BICC1: variants seen among roughly 807,000 people sequenced by gnomAD.
BICC1 encodes the protein protein bicaudal C homolog 1.
BICC1 carries 43 observed loss-of-function variants against 111.0 expected under a neutral mutation model. The ratio of observed to expected loss-of-function variants is 0.39; its 90% CI spans 0.30 to 0.50. The LOEUF (loss-of-function observed/expected upper bound fraction) is 0.50, where lower values mean the gene tolerates loss of function less well. Ranked by LOEUF, BICC1 falls within the 20% of genes least tolerant of loss-of-function variation. The probability of loss-of-function intolerance (pLI) is 0.88; values close to 1 mark genes in which losing one functional copy is unlikely to be tolerated. For missense variants in BICC1, 1,091 were observed against 1,203.2 expected, an observed-to-expected ratio of 0.91 and a Z score of 1.38; for synonymous variants, 467 against 434.4, an observed-to-expected ratio of 1.07 and a Z score of -0.93.
Position 58,513,102 on chromosome 10 carries a change from G to GAGCGGC in BICC1, c.-41_-36dup. 1 of 1,344,566 alleles carries GAGCGGC rather than the reference G, an allele frequency of 7.4e-7. No homozygotes were observed. Among genetic ancestry groups the GAGCGGC allele is most frequent in the Non-Finnish European group, 9.5e-7 (1 of 1,050,216 alleles). 83.3% of individuals were successfully genotyped at this position (1,344,566 alleles called of 1,614,324 possible). On this transcript the variant is annotated 5_prime_UTR_variant, in exon 1 of 21. Coordinates refer to ENST00000373886, the MANE Select transcript of BICC1 (RefSeq NM_001080512.3). ...GCGAGCGGAGGCGGCAGCGCAGGCA[G>GAGCGGC]AGCGGCGGCGGCAGCGGGAGCCCGA...
chr10:58,681,162 A>T lies in BICC1; in HGVS notation c.238-20912A>T, dbSNP rs577526112. ...CAAAAGCAATGGCAACAAAAGCCAA[A>T]ATTGACAAGTGGGATCTAATTAAAG... On this transcript the variant is annotated intron_variant, in intron 2 of 20. Coordinates refer to ENST00000373886, the MANE Select transcript of BICC1 (RefSeq NM_001080512.3). 8.5e-5 allele frequency among the ~76,000 whole-genome samples: 13 copies of T among 152,360 alleles called. No individual in the cohort carries two copies. In the South Asian group the frequency reaches 2.7e-3, roughly 32 times the overall value.
chr10:58,775,219 C>T lies in BICC1; in HGVS notation c.308-9782C>T, dbSNP rs542901262. On this transcript the variant is annotated intron_variant, in intron 3 of 20. Coordinates refer to ENST00000373886, the MANE Select transcript of BICC1 (RefSeq NM_001080512.3). ...GAAACTGCATCTCTACTAAAAAATA[C>T]AAATATTAGCTGGGCATGGTGGCGT... Among the ~76,000 whole-genome samples, 807 of 151,950 alleles carry T rather than the reference C, an allele frequency of 5.3e-3. 5 individuals are homozygous for T. The highest frequency in any genetic ancestry group is 7.8e-3 in the Non-Finnish European group (527 of 67,934).
chr10:58,692,192 G>C (rs555078513), intron 2 of BICC1, among the ~76,000 whole-genome samples: 1 of 152,292 alleles, frequency 6.6e-6, no homozygotes, highest in South Asian at 2.1e-4. Context: ...GAGAGAGAGA[G>C]ACAGGTGACC....
intron 1 of BICC1, among the ~76,000 whole-genome samples, chr10:58,526,907 T>C (rs1380874102): frequency 6.6e-6 from 1 of 152,240 alleles, no homozygotes; most frequent in African/African-American, 2.4e-5. Context: ...TGTATCTTTA[T>C]AGCAGCATGA....
At chr10:58,651,003 A>G (rs535377539) in intron 2 of BICC1, 1 of 152,238 alleles carries the variant, frequency 6.6e-6, no homozygotes, top group East Asian at 1.9e-4. Flanking sequence ...TTAAAGACCA[A>G]AAAACTACTG....
chr10:58,600,302 C>T (rs1230701511), intron 1 of BICC1, among the ~76,000 whole-genome samples: 1 of 152,054 alleles, frequency 6.6e-6, no homozygotes, highest in Admixed American at 6.6e-5. Context: ...ACAGCTGTAG[C>T]TTTCTGTTTA....
At chr10:58,742,320 T>C (rs988610354) in intron 3 of BICC1, among the ~76,000 whole-genome samples, 2 of 152,142 alleles carry the variant, frequency 1.3e-5, no homozygotes, top group African/African-American at 4.8e-5. Context: ...TCTTACGGCA[T>C]ATTTTAAGGA....
chr10:58,526,779 A>G (rs955851223), intron 1 of BICC1, among the ~76,000 whole-genome samples: 42 of 152,186 alleles, frequency 2.8e-4, no homozygotes, highest in Non-Finnish European at 5.1e-4. Context: ...ATGGCTGCAT[A>G]GTATTCCATG....
upstream of BICC1, among the ~76,000 whole-genome samples, chr10:58,512,547 T>G (rs1012137447): frequency 6.6e-6 from 1 of 152,114 alleles, no homozygotes; most frequent in Non-Finnish European, 1.5e-5. Context: ...GAGATTTGTA[T>G]GTGTAAGTGC....
chr10:58,589,851 G>C (rs1226629715), intron 1 of BICC1, among the ~76,000 whole-genome samples: 2 of 152,004 alleles, frequency 1.3e-5, no homozygotes, highest in African/African-American at 4.8e-5. Flanking sequence ...TTGGAGTGCA[G>C]TGGCTATTCA....
At chr10:58,815,020 A>G (rs931958817) in intron 18 of BICC1, among the ~76,000 whole-genome samples, 11 of 152,208 alleles carry the variant, frequency 7.2e-5, no homozygotes, top group African/African-American at 2.7e-4. Flanking sequence ...CCATTGTTTT[A>G]TCTACAACAG....
intron 1 of BICC1, among the ~76,000 whole-genome samples, chr10:58,617,397 C>T (rs1055616177): frequency 6.6e-6 from 1 of 152,218 alleles, no homozygotes; most frequent in South Asian, 2.1e-4. Context: ...CCCTTAGCAG[C>T]AGAGTACACT....
chr10:58,817,729 C>T lies in BICC1; in HGVS notation c.2694+7C>T. 1 of 1,595,242 alleles carries T rather than the reference C, an allele frequency of 6.3e-7. No homozygotes were observed. Reference sequence around the variant, plus strand: ...TGTTTTCCAGCAACAAGAGGTCAGTCATTATTTATTTTCCCAAGTATCTTT... The same window carrying T: ...TGTTTTCCAGCAACAAGAGGTCAGTTATTATTTATTTTCCCAAGTATCTTT... On this transcript the variant is annotated splice_region_variant and intron_variant, in intron 19 of 20. Transcript: ENST00000373886.
intron 2 of BICC1, chr10:58,650,128 G>C (rs1165880623): frequency 6.6e-6 from 1 of 152,096 alleles, no homozygotes; most frequent in African/African-American, 2.4e-5. Context: ...CTGAAGAGAT[G>C]ATCTGCAGCC....
intron 1 of BICC1, among the ~76,000 whole-genome samples, chr10:58,588,441 G>A (rs925566895): frequency 6.6e-6 from 1 of 152,182 alleles, no homozygotes; most frequent in Non-Finnish European, 1.5e-5. Flanking sequence ...AGGGAGAGTG[G>A]CAGTGATGTG....
chr10:58,739,211 T>C (rs1338165826), intron 3 of BICC1, among the ~76,000 whole-genome samples: 1 of 152,232 alleles, frequency 6.6e-6, no homozygotes, highest in Non-Finnish European at 1.5e-5. Context: ...TGATATTGGC[T>C]GTGGGTTTGT....
intron 1 of BICC1, among the ~76,000 whole-genome samples, chr10:58,582,231 C>G (rs987569840): frequency 1.3e-5 from 2 of 152,118 alleles, no homozygotes; most frequent in African/African-American, 4.8e-5. Flanking sequence ...TACAGAATTG[C>G]TCTCTGTAAA....
intron 3 of BICC1, among the ~76,000 whole-genome samples, chr10:58,741,706 G>A (rs1228088951): frequency 6.6e-6 from 1 of 152,128 alleles, no homozygotes; most frequent in African/African-American, 2.4e-5. Context: ...TCCAAGGATT[G>A]TGTACCTAGT....
upstream of BICC1, among the ~76,000 whole-genome samples, chr10:58,512,809 G>A (rs1248697265): frequency 6.6e-6 from 1 of 150,406 alleles, no homozygotes; most frequent in Admixed American, 6.6e-5. Context: ...CGGCTGTAGG[G>A]GCGGCGGGCG....
Sources: allele counts gnomAD v4.1 joint callset (sites outside exome capture counted in the v4.1 genomes callset), GRCh38; gene constraint gnomAD v4.1.1; transcripts MANE v1.5; gene names NCBI Gene and HGNC (gene_info 2026-07-23, HGNC 2026-07-21).